Variants in FCRL5 observed in about 807,000 individuals in gnomAD.
FCRL5 encodes the protein Fc receptor-like protein 5.
FCRL5 carries 79 observed loss-of-function variants against 92.1 expected under a neutral mutation model. The ratio of observed to expected loss-of-function variants is 0.86; its 90% confidence interval spans 0.72 to 1.03. The LOEUF is 1.03. Among genes scored for constraint, FCRL5 ranks in the 50% least tolerant of loss-of-function variants. FCRL5 has a pLI of 0.00. For missense variants in FCRL5, 1,160 were observed against 1,181.1 expected (o/e 0.98, Z 0.26); for synonymous variants, 466 against 469.3 (o/e 0.99, Z 0.09).
intron 6 of FCRL5, 117 bp from the exon 7 acceptor site, chr1:157,539,481 G>A: frequency 1.0e-6 from 1 of 976,258 alleles, no homozygotes; most frequent in Non-Finnish European, 1.5e-6. Flanking sequence ...AGTCAAGCTG[G>A]GAACTATTTC....
intron 10 of FCRL5, chr1:157,522,669 A>G (rs944663420): frequency 6.6e-6 from 1 of 152,260 alleles, no homozygotes; most frequent in African/African-American, 2.4e-5. Context: ...CCTGGTCTCT[A>G]TGACCTGGGT....
intron 5 of FCRL5, among the ~76,000 whole-genome samples, chr1:157,543,926 A>C (rs10796980): frequency 0.84 from 127,061 of 152,006 alleles, 53,590 homozygotes; most frequent in East Asian, 1. Context: ...ACCTCTGTAC[A>C]CCAGAGTCAG....
At position 157,547,040 on chromosome 1, in the gene FCRL5, G is replaced by A. The variant is rs759099806; in HGVS notation, c.210C>T (p.Thr70=). ...CCTGAACCTCAAGGATATTGTCTGG[G>A]GTTTCTCTTAGTATTTCTTTCCCAA... The part of the protein sequence containing the change: ...RYLGKEILRE[T]PDNILEVQES... Residue 70 remains threonine (T), a synonymous_variant, in exon 3 of 17, where the codon ACC becomes ACT. Coordinates refer to ENST00000361835, the MANE Select transcript of FCRL5 (RefSeq NM_031281.3). 5 of 1,614,092 alleles carry A rather than the reference G, an allele frequency of 3.1e-6. No homozygotes were observed. The highest frequency in any genetic ancestry group is 3.4e-6 in the Non-Finnish European group (4 of 1,180,016).
At chr1:157,548,588 G>A (rs10069579) in intron 2 of FCRL5, among the ~76,000 whole-genome samples, 6 of 152,272 alleles carry the variant, frequency 3.9e-5, no homozygotes, top group African/African-American at 1.4e-4. Context: ...AAATTTACAA[G>A]AAAAATTCAA....
chr1:157,524,573 C>A lies in FCRL5; in HGVS notation c.1961-16G>T. On this transcript the variant is annotated splice_polypyrimidine_tract_variant and intron_variant, in intron 9 of 16. Transcript: ENST00000361835. ...GATACTGGAACTGAGGGAGGAAAAA[C>A]GTTATGTATCAGCTGCTTCTGCTAA... 1.3e-6 allele frequency: 2 copies of A among 1,561,970 alleles called. No homozygotes were observed. Among genetic ancestry groups the A allele is most frequent in the South Asian group, 1.2e-5 (1 of 83,336 alleles).
chr1:157,539,910 A>T (rs1651170143), intron 6 of FCRL5, among the ~76,000 whole-genome samples: 1 of 152,202 alleles, frequency 6.6e-6, no homozygotes, highest in African/African-American at 2.4e-5. Context: ...TTTTAAAAAA[A>T]TTTCTTCCTT....
chr1:157,536,145 T>C (rs1650961820), intron 7 of FCRL5, among the ~76,000 whole-genome samples: 1 of 152,058 alleles, frequency 6.6e-6, no homozygotes, highest in East Asian at 1.9e-4. Flanking sequence ...TTTCACTATG[T>C]TGGCCAGGCT....
intron 6 of FCRL5, 97 bp from the exon 7 acceptor site, chr1:157,539,461 C>T (rs1651145349): frequency 1.7e-6 from 2 of 1,186,424 alleles, no homozygotes; most frequent in Non-Finnish European, 1.2e-6. Context: ...ATCACTAAGC[C>T]AAAGGGAAAA....
In FCRL5 at chr1:157,521,145, C is replaced by T; in HGVS notation, c.2387G>A (p.Arg796Lys). The change falls in exon 11 of 17, where the codon AGG (arginine) becomes AAG (lysine). Residue 796 changes from arginine (R) to lysine (K), a missense_variant. Physicochemically the swap from Arg to Lys is conservative, Grantham distance 26. Coordinates refer to ENST00000361835, the MANE Select transcript of FCRL5 (RefSeq NM_031281.3). ...GGACGCTCCTCCAGAGGGGGACGAC[C>T]TATTTCCTAGGGTGACATCCTCATG... is the stretch of plus-strand genomic sequence containing the variant. ...FFHEDVTLGN[R>K]SSPSGGASLN... is the part of the protein sequence containing the mutation. 1.2e-6 allele frequency: 2 copies of T among 1,614,136 alleles called. No homozygotes were observed. The highest frequency in any genetic ancestry group is 1.7e-6 in the Non-Finnish European group (2 of 1,180,022).
chr1:157,546,942 C>T lies in FCRL5; in HGVS notation c.307+1G>A. ...TTGGTGCGTCTTTCACGCTCTCTCA[C>T]CTGAAGAAAAATCCAAGTGCACAGG... On this transcript the variant is annotated splice_donor_variant, in intron 3 of 16. Transcript: ENST00000361835. LOFTEE classifies it high-confidence loss of function. 1 of 1,611,458 alleles carries T rather than the reference C, an allele frequency of 6.2e-7. No homozygotes were observed. The highest frequency in any genetic ancestry group is 8.5e-7 in the Non-Finnish European group (1 of 1,178,376).
chr1:157,515,823 T>G lies in FCRL5; in HGVS notation c.2844+19A>C, dbSNP rs528555031. Reference sequence around the variant, plus strand: ...GTGGGCCTGGGGGTGGGGGAGGGCATGCAGAAGGGGAGACTCACCTTGTTC... The same window carrying G: ...GTGGGCCTGGGGGTGGGGGAGGGCAGGCAGAAGGGGAGACTCACCTTGTTC... On this transcript the variant is annotated intron_variant, in intron 16 of 16. Coordinates refer to ENST00000361835, the MANE Select transcript of FCRL5 (RefSeq NM_031281.3). 1 of 1,613,988 alleles carries G rather than the reference T, an allele frequency of 6.2e-7. No individual in the cohort carries two copies. Among genetic ancestry groups the G allele is most frequent in the South Asian group, 1.1e-5 (1 of 91,084 alleles).
At chr1:157,540,337 T>C (rs1411832353) in intron 6 of FCRL5, among the ~76,000 whole-genome samples, 1 of 152,202 alleles carries the variant, frequency 6.6e-6, no homozygotes, top group East Asian at 1.9e-4. Context: ...AACCACACCC[T>C]TACCTGCATC....
At chr1:157,542,727 AG>A in intron 6 of FCRL5, 131 bp downstream of exon 6, 1 of 1,087,338 alleles carries the variant, frequency 9.2e-7, no homozygotes, top group Non-Finnish European at 1.3e-6. Flanking sequence ...TGAGCCGGAG[AG>A]TGGAGGAGGA....
At chr1:157,540,122 G>C (rs1651185641) in intron 6 of FCRL5, among the ~76,000 whole-genome samples, 1 of 152,106 alleles carries the variant, frequency 6.6e-6, no homozygotes, top group South Asian at 2.1e-4. Context: ...CAGTCCACAG[G>C]CTCTACCCAC....
rs1442492481 is a variant in FCRL5 at position 157,543,258 on chromosome 1, C to G, written c.845-121G>C. 9.6e-6 allele frequency: 9 copies of G among 933,202 alleles called. No individual in the cohort carries two copies. In the South Asian group the frequency reaches 1.3e-4, roughly 14 times the overall value. The allele number at this position is 933,202 out of a possible 1,614,324, so 57.8% of individuals were successfully genotyped here. A position where few individuals can be genotyped will look rare whatever the true frequency, so the allele number is the denominator to read the frequency against. On this transcript the variant is annotated intron_variant, in intron 5 of 16. Coordinates refer to ENST00000361835, the MANE Select transcript of FCRL5 (RefSeq NM_031281.3). ...CCTTAACTTGCTGCCATCAGAACCA[C>G]ACACCCTTACCTGCACCTGCTTCTT...
In FCRL5 at chr1:157,547,136, C is replaced by T; in HGVS notation, c.114G>A (p.Glu38=). 1 of 1,614,106 alleles carries T rather than the reference C, an allele frequency of 6.2e-7. No individual in the cohort carries two copies. The highest frequency in any genetic ancestry group is 1.1e-5 in the South Asian group (1 of 91,080). Residue 38 remains glutamate, a synonymous_variant, in exon 3 of 17, where the codon GAG becomes GAA. Coordinates refer to ENST00000361835, the MANE Select transcript of FCRL5 (RefSeq NM_031281.3). ...ATCCCTTGCAAGTGAGGGTCACTCT[C>T]TCTCCTTGGAAGACTGTGGTCCATG... The part of the protein sequence containing the change: ...QPPWTTVFQG[E]RVTLTCKGFR...
chr1:157,513,990 T>G lies in FCRL5; in HGVS notation c.*1685A>C, dbSNP rs1022017182. The G allele has an allele frequency of 6.6e-6, 1 of 152,222 alleles. No homozygotes were observed. The highest frequency in any genetic ancestry group is 2.4e-5 in the African/African-American group (1 of 41,458). The allele number at this position is 152,222 out of a possible 1,614,324, so 9.4% of individuals were successfully genotyped here. Reference sequence around the variant, plus strand: ...TAGTGATGACAAATGCCTCCAGCCTTGTCCTCTGCAAGGCTGCACTGGGCT... The same window carrying G: ...TAGTGATGACAAATGCCTCCAGCCTGGTCCTCTGCAAGGCTGCACTGGGCT... On this transcript the variant is annotated 3_prime_UTR_variant, in exon 17 of 17. Transcript: ENST00000361835.
chr1:157,543,726 A>G (rs1475979762), intron 5 of FCRL5, among the ~76,000 whole-genome samples: 2 of 152,204 alleles, frequency 1.3e-5, no homozygotes, highest in Non-Finnish European at 2.9e-5. Context: ...CTTTGAAGGA[A>G]GGATGGTGCT....
intron 8 of FCRL5, 105 bp from the exon 9 acceptor site, chr1:157,528,000 A>G: frequency 6.1e-6 from 8 of 1,310,086 alleles, no homozygotes; most frequent in East Asian, 4.8e-5. Flanking sequence ...AGGACATCCA[A>G]ATTGGTAAAG....
Sources: gnomAD v4.1 joint callset for allele counts (sites outside exome capture counted in the v4.1 genomes callset) on GRCh38, gnomAD v4.1.1 for gene constraint, MANE v1.5 for transcripts, NCBI Gene and HGNC (gene_info 2026-07-23, HGNC 2026-07-21) for gene names.